CRAMP1: variants seen among roughly 807,000 people sequenced by gnomAD.
CRAMP1 encodes the protein protein cramped-like.
A neutral mutation model predicts 115.4 loss-of-function variants in CRAMP1; 50 were observed. The ratio of observed to expected loss-of-function variants is 0.43; its 90% CI spans 0.35 to 0.55. CRAMP1 has a LOEUF of 0.55. Among genes scored for constraint, CRAMP1 ranks in the 20% least tolerant of loss-of-function variants. The pLI, the probability that CRAMP1 is intolerant of heterozygous loss-of-function variation, is 0.01. For synonymous variants in CRAMP1, 866 were observed against 745.4 expected (o/e 1.16, Z -2.64); for missense variants, 1,679 against 1,721.7 (o/e 0.98, Z 0.44).
chr16:1,667,495 T>C (rs1164543387), intron 17 of CRAMP1, 95 bp downstream of exon 17: 1 of 957,992 alleles, frequency 1.0e-6, no homozygotes, highest in Admixed American at 1.9e-5. Flanking sequence ...GTGGCCCGGC[T>C]TCTCTCCTAG....
intron 2 of CRAMP1, among the ~76,000 whole-genome samples, chr16:1,624,892 A>T (rs2036496394): frequency 6.6e-6 from 1 of 151,808 alleles, no homozygotes; most frequent in African/African-American, 2.4e-5. Context: ...ACGCCTGGCT[A>T]ATTTTTATAT....
chr16:1,671,863 A>G lies in CRAMP1; in HGVS notation c.3645+1054A>G, dbSNP rs1197779111. Reference sequence around the variant, plus strand: ...GGAGAATTCCAAGCCAAGCCATGATATGACTGGAAATTTTAGCCAAATATA... The same window carrying G: ...GGAGAATTCCAAGCCAAGCCATGATGTGACTGGAAATTTTAGCCAAATATA... On this transcript the variant is annotated intron_variant, in intron 20 of 20. Coordinates refer to ENST00000397412, the MANE Select transcript of CRAMP1 (RefSeq NM_020825.4). The surrounding 1 kb of genome is among the most constrained non-coding windows in gnomAD (Gnocchi z 5.0). Among the ~76,000 whole-genome samples the G allele has an allele frequency of 6.6e-6, 1 of 152,248 alleles. No homozygotes were observed. The highest frequency in any genetic ancestry group is 1.5e-5 in the Non-Finnish European group (1 of 68,042).
At chr16:1,659,593 TAGCC>T (rs1252565683) in intron 10 of CRAMP1, among the ~76,000 whole-genome samples, 3 of 152,136 alleles carry the variant, frequency 2.0e-5, no homozygotes, top group African/African-American at 7.2e-5. Context: ...TTCACCGTGT[TAGCC>T]AGGATGGTCT....
chr16:1,618,618 G>A (rs2142167925), intron 2 of CRAMP1, among the ~76,000 whole-genome samples: 1 of 152,262 alleles, frequency 6.6e-6, no homozygotes. Flanking sequence ...GTAGTCTGAA[G>A]TGACAGTCGT....
intron 7 of CRAMP1, among the ~76,000 whole-genome samples, chr16:1,652,806 G>A (rs1023586756): frequency 7.9e-5 from 12 of 152,210 alleles, no homozygotes; most frequent in Admixed American, 6.5e-5. Flanking sequence ...GTCGGAGGTT[G>A]TCAGGATCGA....
At chr16:1,615,658 C>A (rs767042067) in intron 2 of CRAMP1, among the ~76,000 whole-genome samples, 1 of 152,214 alleles carries the variant, frequency 6.6e-6, no homozygotes, top group African/African-American at 2.4e-5. Context: ...TAGCTGGGGT[C>A]TCTTACCAAG....
intron 6 of CRAMP1, among the ~76,000 whole-genome samples, chr16:1,649,627 C>G (rs954233317): frequency 1.3e-5 from 2 of 150,914 alleles, no homozygotes; most frequent in Admixed American, 1.3e-4. Context: ...GTAGCTGGGC[C>G]TACAGGCACC....
Position 1,626,120 on chromosome 16 carries a change from C to T in CRAMP1, c.494C>T (p.Ser165Leu). ...AAAAAGGTCCGGCGGCAGTGGGAGT[C>T]GTGGAGCACAGAGGACAAGAACACC... is the stretch of plus-strand genomic sequence containing the variant. ...EGKKVRRQWE[S>L]WSTEDKNTFF... The change falls in exon 3 of 21, where the codon TCG (serine) becomes TTG (leucine). Residue 165 changes from serine to leucine, a missense_variant. Transcript: ENST00000397412. The T allele has an allele frequency of 2.6e-6, 4 of 1,548,096 alleles. No homozygotes were observed. The highest frequency in any genetic ancestry group is 3.5e-6 in the Non-Finnish European group (4 of 1,145,160).
At chr16:1,673,522 CCTCA>C (rs2036940160) in intron 20 of CRAMP1, among the ~76,000 whole-genome samples, 3 of 152,238 alleles carry the variant, frequency 2.0e-5, no homozygotes, top group Non-Finnish European at 2.9e-5. Context: ...CTCTCTGTCC[CCTCA>C]CTCTGCATCT....
chr16:1,635,307 G>C (rs185482674), intron 4 of CRAMP1, among the ~76,000 whole-genome samples: 5 of 152,216 alleles, frequency 3.3e-5, no homozygotes, highest in African/African-American at 1.2e-4. Context: ...GGAAGGGACT[G>C]ACTCCGCCCC....
chr16:1,653,025 C>T lies in CRAMP1; in HGVS notation c.914-8C>T, dbSNP rs1045316955. On this transcript the variant is annotated splice_region_variant and splice_polypyrimidine_tract_variant and intron_variant, in intron 7 of 20. Coordinates refer to ENST00000397412, the MANE Select transcript of CRAMP1 (RefSeq NM_020825.4). ...GCACTAAACTTTCATGGTTCTTCTG[C>T]ATTGCAGGCTTGAGTGATGAAGAGG... 6.2e-7 allele frequency: 1 copy of T among 1,613,494 alleles called. No homozygotes were observed.
Position 1,626,160 on chromosome 16 carries a change from G to A in CRAMP1, c.534G>A (p.Leu178=), listed in dbSNP as rs1377186709. The A allele has an allele frequency of 1.3e-6, 2 of 1,509,032 alleles. No homozygotes were observed. Among genetic ancestry groups the A allele is most frequent in the African/African-American group, 1.4e-5 (1 of 71,946 alleles). The allele number at this position is 1,509,032 out of a possible 1,614,324, so 93.5% of individuals were successfully genotyped here. A position where few individuals can be genotyped will look rare whatever the true frequency, so the allele number is the denominator to read the frequency against. The change falls in exon 3 of 21, where the codon CTG becomes CTA. Residue 178 remains leucine, a synonymous_variant. Transcript: ENST00000397412. Reference sequence around the variant, plus strand: ...ACAAGAACACCTTCTTCGAGGGGCTGTACGAGGTGAGTAGGCTGTGGAGGC... The same window carrying A: ...ACAAGAACACCTTCTTCGAGGGGCTATACGAGGTGAGTAGGCTGTGGAGGC... ...TEDKNTFFEG[L]YEHGKDFEAI...
In CRAMP1 at chr16:1,662,563, C is replaced by T. The variant is rs771442211; in HGVS notation, c.2487C>T (p.Gly829=). The T allele has an allele frequency of 2.5e-6, 4 of 1,613,978 alleles. No individual in the cohort carries two copies. The South Asian group carries it at 3.3e-5, about 13-fold the overall frequency. ...CAGGAAGCAATGACTCAGATGGAGG[C>T]CTTTTTGCTGTCCCGACAACCTTGC... ...SSTGSNDSDG[G]LFAVPTTLPP... Residue 829 remains glycine (G), a synonymous_variant, in exon 12 of 21, where the codon GGC becomes GGT. Coordinates refer to ENST00000397412, the MANE Select transcript of CRAMP1 (RefSeq NM_020825.4).
chr16:1,652,707 C>T (rs956338356), intron 7 of CRAMP1, 126 bp downstream of exon 7: 45 of 840,828 alleles, frequency 5.4e-5, no homozygotes, highest in Non-Finnish European at 8.6e-5. Flanking sequence ...AATCCCAGGG[C>T]TGCACATGGA....
At chr16:1,613,916 ATTATTCT>A (rs1367692414) in intron 1 of CRAMP1, among the ~76,000 whole-genome samples, 2 of 152,168 alleles carry the variant, frequency 1.3e-5, no homozygotes, top group South Asian at 4.1e-4. Flanking sequence ...CCCGGAGCTG[ATTATTCT>A]TTATGTGTGT....
At chr16:1,652,414 C>A (rs764788247) in intron 6 of CRAMP1, 82 bp from the exon 7 acceptor site, 3 of 1,303,020 alleles carry the variant, frequency 2.3e-6, no homozygotes, top group Non-Finnish European at 2.1e-6. Context: ...CCTGGCCTGG[C>A]TCAGCGCCTC....
intron 3 of CRAMP1, among the ~76,000 whole-genome samples, chr16:1,627,057 CTG>C (rs1464757165): frequency 6.6e-6 from 1 of 152,190 alleles, no homozygotes; most frequent in East Asian, 1.9e-4. Flanking sequence ...GTAAGTAACG[CTG>C]TGGTGAACAT....
At chr16:1,637,017 G>T (rs957413253) in intron 4 of CRAMP1, among the ~76,000 whole-genome samples, 1 of 152,218 alleles carries the variant, frequency 6.6e-6, no homozygotes, top group Non-Finnish European at 1.5e-5. Context: ...CCTTGGCTGG[G>T]CACGGTGGCT....
Position 1,666,719 on chromosome 16 carries a change from C to A in CRAMP1, c.3036+119C>A. ...TGCCTTTGGAGGAGAGTCTCTGGAC[C>A]AGGGGTGCCATGGCATAAGCAAACT... is the stretch of plus-strand genomic sequence containing the variant. On this transcript the variant is annotated intron_variant, in intron 16 of 20. Coordinates refer to ENST00000397412, the MANE Select transcript of CRAMP1 (RefSeq NM_020825.4). This position sits in a 1 kb window ranked among gnomAD's most constrained non-coding sequence, Gnocchi z 5.0. 1.1e-6 allele frequency: 1 copy of A among 940,410 alleles called. No homozygotes were observed. Among genetic ancestry groups the A allele is most frequent in the Non-Finnish European group, 1.6e-6 (1 of 619,332 alleles). The allele number at this position is 940,410 out of a possible 1,614,324, so 58.3% of individuals were successfully genotyped here. A position where few individuals can be genotyped will look rare whatever the true frequency, so the allele number is the denominator to read the frequency against.
Sources: gnomAD v4.1 joint callset for allele counts (sites outside exome capture counted in the v4.1 genomes callset) on GRCh38, gnomAD v4.1.1 for gene constraint, Gnocchi (gnomAD v3.1) non-coding constraint, MANE v1.5 for transcripts, NCBI Gene and HGNC (gene_info 2026-07-23, HGNC 2026-07-21) for gene names.